The following ADGRG6 variants were observed in gnomAD, a reference collection of about 807,000 sequenced individuals.
ADGRG6 encodes the protein adhesion G protein-coupled receptor G6.
A neutral mutation model predicts 142.4 loss-of-function variants in ADGRG6; 84 were observed. The observed-to-expected ratio is 0.59, with a 90% confidence interval of 0.49 to 0.71. The LOEUF (loss-of-function observed/expected upper bound fraction) is 0.71. Among genes scored for constraint, ADGRG6 ranks in the 30% least tolerant of loss-of-function variants. The probability of loss-of-function intolerance (pLI) is 0.00; values close to 1 mark genes in which losing one functional copy is unlikely to be tolerated. For missense variants in ADGRG6, 1,367 were observed against 1,466.6 expected, an observed-to-expected ratio of 0.93 and a Z score of 1.11; for synonymous variants, 521 against 520.5, an observed-to-expected ratio of 1.00 and a Z score of -0.01.
chr6:142,370,230 T>G lies in ADGRG6; in HGVS notation c.506T>G (p.Val169Gly). The change falls in exon 4 of 25, where the codon GTA becomes GGA. Residue 169 changes from valine (V) to glycine (G), a missense_variant. Physicochemically the swap from Val to Gly is moderately radical, Grantham distance 109 (BLOSUM62 -3). This residue lies in a region of ADGRG6 where 737 missense variants were observed against 746.5 expected (regional missense o/e 0.99). Transcript: ENST00000367609. ...CCCCAGACATCAGATGCTTACCAGGTATCTGTTGCAAAAAGCATCTCTATT... is the reference window on the plus strand; with the variant it reads ...CCCCAGACATCAGATGCTTACCAGGGATCTGTTGCAAAAAGCATCTCTATT... Reference protein sequence around the residue: ...ILPQTSDAYQVSVAKSISIPE... With the variant: ...ILPQTSDAYQGSVAKSISIPE... 1 of 1,609,592 alleles carries G rather than the reference T, an allele frequency of 6.2e-7. No homozygotes were observed. Among genetic ancestry groups the G allele is most frequent in the Non-Finnish European group, 8.5e-7 (1 of 1,176,008 alleles).
chr6:142,387,792 T>C (rs1005455765), intron 6 of ADGRG6, among the ~76,000 whole-genome samples: 1 of 152,214 alleles, frequency 6.6e-6, no homozygotes, highest in African/African-American at 2.4e-5. Context: ...GATACATTGG[T>C]AATGGCAGAC....
At chr6:142,318,040 A>G (rs1393531668) in intron 2 of ADGRG6, among the ~76,000 whole-genome samples, 1 of 55,724 alleles carries the variant, frequency 1.8e-5, no homozygotes, top group Non-Finnish European at 2.9e-5. Flanking sequence ...TATAATATAT[A>G]TTTATGTTAT....
intron 4 of ADGRG6, among the ~76,000 whole-genome samples, chr6:142,381,659 T>C (rs1174138796): frequency 6.6e-6 from 1 of 152,232 alleles, no homozygotes; most frequent in Non-Finnish European, 1.5e-5. Context: ...TTAAAATTTA[T>C]TATACAAAAA....
At chr6:142,357,255 C>T (rs569739832) in intron 2 of ADGRG6, among the ~76,000 whole-genome samples, 1 of 152,208 alleles carries the variant, frequency 6.6e-6, no homozygotes, top group South Asian at 2.1e-4. Flanking sequence ...CTCTCTCATT[C>T]ATACATACAT....
chr6:142,403,871 A>G lies in ADGRG6; in HGVS notation c.2025A>G (p.Thr675=), dbSNP rs1775662626. The G allele has an allele frequency of 6.2e-7, 1 of 1,609,242 alleles. No homozygotes were observed. Among genetic ancestry groups the G allele is most frequent in the Non-Finnish European group, 8.5e-7 (1 of 1,176,124 alleles). ...ATAGCACATCACATGTGAATATTAC[A>G]ACTCGGAACTTGGCTCTCAGCGTAT... ...DLNSTSHVNI[T]TRNLALSVSS... The change falls in exon 14 of 25, where the codon ACA becomes ACG. Residue 675 remains threonine, a synonymous_variant. Coordinates refer to ENST00000367609, the MANE Select transcript of ADGRG6 (RefSeq NM_198569.3).
At chr6:142,379,889 CAG>C (rs2114919720) in intron 4 of ADGRG6, among the ~76,000 whole-genome samples, 1 of 152,326 alleles carries the variant, frequency 6.6e-6, no homozygotes, top group Non-Finnish European at 1.5e-5. Context: ...GACACAGCCT[CAG>C]GGGGTCCTGA....
At chr6:142,318,053 A>G (rs1778237981) in intron 2 of ADGRG6, among the ~76,000 whole-genome samples, 1 of 55,732 alleles carries the variant, frequency 1.8e-5, no homozygotes, top group Non-Finnish European at 2.9e-5. Flanking sequence ...TATGTTATAT[A>G]TATTTATATT....
At chr6:142,307,077 A>C (rs1777536318) in intron 1 of ADGRG6, among the ~76,000 whole-genome samples, 1 of 152,140 alleles carries the variant, frequency 6.6e-6, no homozygotes, top group African/African-American at 2.4e-5. Context: ...TAAATGCTGA[A>C]ACCTTTTATA....
In ADGRG6 at chr6:142,302,032, G is replaced by C. The variant is rs1265269171; in HGVS notation, c.-298G>C. On this transcript the variant is annotated 5_prime_UTR_variant, in exon 1 of 25. Coordinates refer to ENST00000367609, the MANE Select transcript of ADGRG6 (RefSeq NM_198569.3). ...CCGGTCTCCTCAGCACCAGCCCCAC[G>C]CACACCCTACTTCCTCAGCTTCTCG... 2 of 497,286 alleles carry C rather than the reference G, an allele frequency of 4.0e-6. No individual in the cohort carries two copies. Among genetic ancestry groups the C allele is most frequent in the Non-Finnish European group, 7.0e-6 (2 of 284,120 alleles). The allele number at this position is 497,286 out of a possible 1,614,324, so 30.8% of individuals were successfully genotyped here. A position where few individuals can be genotyped will look rare whatever the true frequency, so the allele number is the denominator to read the frequency against.
At chr6:142,320,216 T>C (rs1778445570) in intron 2 of ADGRG6, among the ~76,000 whole-genome samples, 1 of 152,058 alleles carries the variant, frequency 6.6e-6, no homozygotes, top group South Asian at 2.1e-4. Flanking sequence ...AGTATTTTAA[T>C]TTTTAGTAAT....
chr6:142,346,500 GT>G (rs1779908499), intron 2 of ADGRG6, among the ~76,000 whole-genome samples: 1 of 151,646 alleles, frequency 6.6e-6, no homozygotes. Flanking sequence ...GGAGTTGTTT[GT>G]TTTTTTCTTG....
intron 2 of ADGRG6, among the ~76,000 whole-genome samples, chr6:142,337,499 G>C (rs1262819167): frequency 6.6e-6 from 1 of 152,056 alleles, no homozygotes; most frequent in Non-Finnish European, 1.5e-5. Flanking sequence ...TCTTTTTCCA[G>C]TAGTTCCTCC....
chr6:142,366,956 A>G (rs1379810004), intron 2 of ADGRG6, among the ~76,000 whole-genome samples: 1 of 152,142 alleles, frequency 6.6e-6, no homozygotes, highest in African/African-American at 2.4e-5. Flanking sequence ...TATTTTCGAA[A>G]CTATAAATAA....
chr6:142,369,806 A>G (rs1781147344), intron 3 of ADGRG6, among the ~76,000 whole-genome samples: 1 of 152,244 alleles, frequency 6.6e-6, no homozygotes, highest in Admixed American at 6.5e-5. Context: ...ATCTTAATGT[A>G]TAAACAAAGC....
At chr6:142,359,134 G>A (rs1780594438) in intron 2 of ADGRG6, among the ~76,000 whole-genome samples, 1 of 150,012 alleles carries the variant, frequency 6.7e-6, no homozygotes, top group Non-Finnish European at 1.5e-5. Context: ...TTGAGCCCAG[G>A]AGGTTGAGGC....
intron 22 of ADGRG6, among the ~76,000 whole-genome samples, chr6:142,422,727 G>A (rs1398745462): frequency 4.7e-5 from 7 of 148,552 alleles, no homozygotes; most frequent in Admixed American, 2.7e-4. Flanking sequence ...CTAGATCCCT[G>A]AGGAATCGCC....
At chr6:142,367,937 C>G (rs1052324066) in intron 3 of ADGRG6, 27 bp downstream of exon 3, 3 of 1,315,624 alleles carry the variant, frequency 2.3e-6, no homozygotes, top group Non-Finnish European at 2.1e-6. Context: ...CAACGCCAAC[C>G]TTCTGCTTTT....
At chr6:142,366,546 A>G (rs999257153) in intron 2 of ADGRG6, among the ~76,000 whole-genome samples, 1 of 152,054 alleles carries the variant, frequency 6.6e-6, no homozygotes, top group African/African-American at 2.4e-5. Flanking sequence ...CCCCACCTTT[A>G]TCTGTCATTA....
At chr6:142,387,436 T>C (rs973725311) in intron 6 of ADGRG6, among the ~76,000 whole-genome samples, 12 of 152,230 alleles carry the variant, frequency 7.9e-5, no homozygotes, top group African/African-American at 2.9e-4. Flanking sequence ...CTAAGATCAT[T>C]TGAATGGATC....
Sources: gnomAD v4.1 joint callset for allele counts (sites outside exome capture counted in the v4.1 genomes callset) on GRCh38, gnomAD v4.1.1 for gene constraint, gnomAD v4.1.1 regional missense constraint, MANE v1.5 for transcripts, NCBI Gene and HGNC (gene_info 2026-07-23, HGNC 2026-07-21) for gene names.